Variants in EHD2 observed in about 807,000 individuals in gnomAD.
EHD2 encodes the protein EH domain containing 2, also known as EH domain-containing protein 2.
EHD2 carries 27 observed loss-of-function variants against 41.0 expected under a neutral mutation model. The observed-to-expected ratio is 0.66, with a 90% CI of 0.49 to 0.91. EHD2 has a LOEUF of 0.91. EHD2 is among the 40% of genes least tolerant of loss of function. EHD2 has a pLI of 0.00. For missense variants in EHD2, 673 were observed against 773.9 expected (o/e 0.87, Z 1.55); for synonymous variants, 342 against 341.0 (o/e 1.00, Z -0.03).
At chr19:47,727,021 C>T (rs1973760389) in intron 4 of EHD2, among the ~76,000 whole-genome samples, 1 of 151,956 alleles carries the variant, frequency 6.6e-6, no homozygotes, top group Admixed American at 6.6e-5. Flanking sequence ...ATTATTCTAC[C>T]CTCTTTATTT....
chr19:47,739,781 G>C (rs545819289), intron 5 of EHD2, among the ~76,000 whole-genome samples: 1 of 150,890 alleles, frequency 6.6e-6, no homozygotes, highest in East Asian at 2.0e-4. Context: ...AATGTTGTAC[G>C]TGCTGGCTGG....
chr19:47,718,401 C>T (rs1973653504), intron 2 of EHD2, 108 bp from the exon 3 acceptor site: 7 of 909,034 alleles, frequency 7.7e-6, no homozygotes, highest in Non-Finnish European at 1.2e-5. Flanking sequence ...TTTCTTCGCC[C>T]ATAAAGGATG....
chr19:47,731,279 A>AATATATATATAT (rs1172889255), intron 4 of EHD2: 6 of 60,932 alleles, frequency 9.8e-5, no homozygotes, highest in African/African-American at 2.0e-4. Flanking sequence ...AAAAAAAAAA[A>AATATATATATAT]ATATATATAT....
chr19:47,731,271 A>ATATATATATATAT (rs1973804912), intron 4 of EHD2: 6 of 25,136 alleles, frequency 2.4e-4, no homozygotes, highest in African/African-American at 7.8e-4. Context: ...ATTCTTTAAA[A>ATATATATATATAT]AAAAAAAAAT....
intron 4 of EHD2, among the ~76,000 whole-genome samples, chr19:47,728,551 CTCTT>C (rs1220299801): frequency 2.0e-5 from 3 of 149,768 alleles, no homozygotes; most frequent in Non-Finnish European, 3.0e-5. Context: ...CTTTCTCTTT[CTCTT>C]TCTTTTTCTT....
chr19:47,730,181 C>T (rs991758859), intron 4 of EHD2, among the ~76,000 whole-genome samples: 1 of 151,566 alleles, frequency 6.6e-6, no homozygotes, highest in African/African-American at 2.4e-5. Context: ...CGCCCTCTCA[C>T]CTTATCTCTT....
At chr19:47,737,058 C>A (rs539702189) in intron 5 of EHD2, among the ~76,000 whole-genome samples, 2 of 151,866 alleles carry the variant, frequency 1.3e-5, no homozygotes, top group African/African-American at 2.4e-5. Flanking sequence ...GGTGAAACCC[C>A]GTCTCTACTA....
intron 5 of EHD2, among the ~76,000 whole-genome samples, chr19:47,740,445 A>C (rs1033623946): frequency 6.6e-6 from 1 of 151,162 alleles, no homozygotes; most frequent in Non-Finnish European, 1.5e-5. Context: ...TCAAAAAAAA[A>C]CAAAACAAAA....
intron 2 of EHD2, 44 bp downstream of exon 2, chr19:47,717,060 T>C: frequency 6.3e-7 from 1 of 1,597,302 alleles, no homozygotes. Context: ...TTTTTCTTTT[T>C]GTTAAGACAG....
At chr19:47,718,751 G>T in intron 3 of EHD2, 145 bp downstream of exon 3, 1 of 668,302 alleles carries the variant, frequency 1.5e-6, no homozygotes, top group Non-Finnish European at 2.4e-6. Flanking sequence ...AGGGAGGAGG[G>T]GCTGGGGTCT....
Position 47,725,995 on chromosome 19 carries a change from T to C in EHD2, c.686T>C (p.Leu229Pro). 6.2e-7 allele frequency: 1 copy of C among 1,610,486 alleles called. No homozygotes were observed. Among genetic ancestry groups the C allele is most frequent in the Non-Finnish European group, 8.5e-7 (1 of 1,177,652 alleles). ...GCCGACATGGTGGAGACGCAGCAGC[T>C]GATGCGCGTCTACGGCGCGCTCATG... ...NKADMVETQQ[L>P]MRVYGALMWA... The change falls in exon 4 of 6, where the codon CTG becomes CCG. Residue 229 changes from leucine to proline, a missense_variant. Physicochemically the swap from Leu to Pro is moderately conservative, Grantham distance 98 (BLOSUM62 -3). Transcript: ENST00000263277.
chr19:47,722,625 G>T (rs1043533913), intron 3 of EHD2, among the ~76,000 whole-genome samples: 6 of 151,746 alleles, frequency 4.0e-5, no homozygotes, highest in African/African-American at 1.5e-4. Context: ...GAGTGCAGTG[G>T]CAGGACCTTG....
intron 5 of EHD2, among the ~76,000 whole-genome samples, chr19:47,738,147 G>A (rs1230456915): frequency 6.6e-6 from 1 of 151,882 alleles, no homozygotes; most frequent in African/African-American, 2.4e-5. Flanking sequence ...CTCCCAAAGT[G>A]CTGGGATTAT....
chr19:47,741,942 C>T lies in EHD2; in HGVS notation c.*510C>T. The T allele has an allele frequency of 2.2e-6, 1 of 456,412 alleles. No homozygotes were observed. The highest frequency in any genetic ancestry group is 4.4e-6 in the Non-Finnish European group (1 of 227,046). The allele number at this position is 456,412 out of a possible 1,614,324, so 28.3% of individuals were successfully genotyped here. ...AAATGACTAGCAGATAAACAGACCC[C>T]CTTCTGCTCCGCTTCCTCCTGCCCA... On this transcript the variant is annotated 3_prime_UTR_variant, in exon 6 of 6. Transcript: ENST00000263277. This position sits in a 1 kb window ranked among gnomAD's most constrained non-coding sequence, Gnocchi z 4.5.
intron 4 of EHD2, among the ~76,000 whole-genome samples, chr19:47,726,718 C>T (rs1035103542): frequency 4.6e-5 from 7 of 152,040 alleles, no homozygotes; most frequent in Admixed American, 4.6e-4. Flanking sequence ...GCTCTCTTGC[C>T]CTGGCTGGAA....
At chr19:47,729,708 C>T (rs537407120) in intron 4 of EHD2, 1 of 151,918 alleles carries the variant, frequency 6.6e-6, no homozygotes, top group African/African-American at 2.4e-5. Context: ...ACCCCCACCC[C>T]AGGAATCCTC....
At chr19:47,714,831 T>G (rs986866993) in intron 1 of EHD2, among the ~76,000 whole-genome samples, 8 of 151,906 alleles carry the variant, frequency 5.3e-5, no homozygotes, top group Non-Finnish European at 1.0e-4. Context: ...GCTCAGGAGT[T>G]CGAGACCACC....
At chr19:47,734,992 C>T (rs1966906709) in intron 4 of EHD2, among the ~76,000 whole-genome samples, 1 of 152,038 alleles carries the variant, frequency 6.6e-6, no homozygotes, top group African/African-American at 2.4e-5. Context: ...GTGGAGGTTG[C>T]AGTGAGACAA....
intron 1 of EHD2, among the ~76,000 whole-genome samples, chr19:47,714,753 G>C (rs1025273932): frequency 5.3e-5 from 8 of 152,210 alleles, no homozygotes; most frequent in Admixed American, 5.2e-4. Context: ...AAGCAGAGAT[G>C]AGCCGGCATG....
Sources: allele counts gnomAD v4.1 joint callset (sites outside exome capture counted in the v4.1 genomes callset), GRCh38; gene constraint gnomAD v4.1.1; non-coding constraint Gnocchi (gnomAD v3.1); transcripts MANE v1.5; gene names NCBI Gene and HGNC (gene_info 2026-07-23, HGNC 2026-07-21).